The following EED variants were observed in gnomAD, a reference collection of about 807,000 sequenced individuals.
The protein encoded by EED is embryonic ectoderm development, also known as polycomb protein EED.
In EED, 9 loss-of-function variants were observed where a neutral mutation model predicts 61.0. The observed-to-expected ratio is 0.15, with a 90% CI of 0.09 to 0.26. The LOEUF is 0.26. Among genes scored for constraint, EED ranks in the 10% least tolerant of loss-of-function variants. EED has a pLI of 1.00. For missense variants in EED, 315 were observed against 542.3 expected (o/e 0.58, Z 4.16); for synonymous variants, 187 against 174.4 (o/e 1.07, Z -0.57).
chr11:86,266,298 A>G (rs1945975969), intron 8 of EED, 82 bp downstream of exon 8: 1 of 1,255,430 alleles, frequency 8.0e-7, no homozygotes, highest in Non-Finnish European at 1.1e-6. Context: ...TTGCTATATA[A>G]GCCCCAACAA....
chr11:86,279,370 C>T (rs2138243828), downstream of EED, among the ~76,000 whole-genome samples: 1 of 152,192 alleles, frequency 6.6e-6, no homozygotes, highest in African/African-American at 2.4e-5. Flanking sequence ...TGAGTTGTTG[C>T]CCCTTTTCTA....
intron 1 of EED, among the ~76,000 whole-genome samples, chr11:86,247,144 C>G (rs1945411948): frequency 1.3e-5 from 2 of 152,166 alleles, no homozygotes; most frequent in Non-Finnish European, 2.9e-5. Context: ...CTTGCAGACC[C>G]TTACAGGAAA....
intron 6 of EED, among the ~76,000 whole-genome samples, chr11:86,260,287 A>C (rs1370645679): frequency 1.3e-5 from 2 of 152,134 alleles, no homozygotes; most frequent in Non-Finnish European, 2.9e-5. Flanking sequence ...TAGTAGAGTG[A>C]TGTGATCACA....
rs373704970 is a variant in EED, at chr11:86,252,249, T to C, written c.360+9T>C. ...CTGTAGGAAGCAACAGAGTGAGTGT[T>C]AAGGGGTCTATTTAGTATTTGGCTT... On this transcript the variant is annotated intron_variant, in intron 3 of 11. Transcript: ENST00000263360. The C allele has an allele frequency of 1.9e-6, 3 of 1,585,426 alleles. No individual in the cohort carries two copies. The highest frequency in any genetic ancestry group is 2.6e-6 in the Non-Finnish European group (3 of 1,158,328).
intron 1 of EED, among the ~76,000 whole-genome samples, chr11:86,246,887 C>T (rs760927790): frequency 1.3e-5 from 2 of 152,082 alleles, no homozygotes; most frequent in African/African-American, 2.4e-5. Context: ...TGGTATTTAC[C>T]TCATAGAGTA....
chr11:86,255,612 T>C (rs1945649364), intron 4 of EED, among the ~76,000 whole-genome samples: 1 of 152,164 alleles, frequency 6.6e-6, no homozygotes, highest in African/African-American at 2.4e-5. Flanking sequence ...AAAACCTCCT[T>C]TTTCTTTGAC....
chr11:86,264,159 A>G lies in EED; in HGVS notation c.635-13A>G, dbSNP rs772475657. 2 of 1,593,888 alleles carry G rather than the reference A, an allele frequency of 1.3e-6. No individual in the cohort carries two copies. Among genetic ancestry groups the G allele is most frequent in the East Asian group, 2.2e-5 (1 of 44,724 alleles). On this transcript the variant is annotated splice_polypyrimidine_tract_variant and intron_variant, in intron 6 of 11. Coordinates refer to ENST00000263360, the MANE Select transcript of EED (RefSeq NM_003797.5). ...TAAAAAACATTCGCCTAATTTTTGT[A>G]TGTTTATACTAGATCATGCTTTACG...
At chr11:86,268,139 A>G (rs189013509) in intron 8 of EED, 6 of 175,300 alleles carry the variant, frequency 3.4e-5, no homozygotes, top group Middle Eastern at 2.5e-3. Context: ...GGCCTTTATT[A>G]TTGGTTAGGG....
At chr11:86,253,375 T>C (rs1221177672) in intron 3 of EED, among the ~76,000 whole-genome samples, 2 of 152,236 alleles carry the variant, frequency 1.3e-5, no homozygotes, top group African/African-American at 2.4e-5. Context: ...GACACCACTG[T>C]AAACCTAAGT....
intron 1 of EED, among the ~76,000 whole-genome samples, chr11:86,249,379 T>TG (rs936790610): frequency 5.0e-5 from 6 of 119,298 alleles, no homozygotes; most frequent in Non-Finnish European, 7.0e-5. Flanking sequence ...AGGCATTTCA[T>TG]GGAAAAAAAA....
chr11:86,254,917 G>A (rs1180614316), intron 3 of EED, among the ~76,000 whole-genome samples: 1 of 152,162 alleles, frequency 6.6e-6, no homozygotes, highest in Admixed American at 6.6e-5. Flanking sequence ...CACCGTGCCC[G>A]GCCTAATATT....
intron 9 of EED, among the ~76,000 whole-genome samples, chr11:86,271,606 G>GTTTGT (rs1202037849): frequency 1.3e-5 from 2 of 152,084 alleles, no homozygotes; most frequent in Admixed American, 6.5e-5. Context: ...GTATATTAGG[G>GTTTGT]TTTGTTTTGT....
intron 5 of EED, among the ~76,000 whole-genome samples, chr11:86,257,146 C>A (rs935233229): frequency 6.6e-6 from 1 of 151,506 alleles, no homozygotes; most frequent in African/African-American, 2.4e-5. Context: ...AGCGATCCTC[C>A]TGCCTCAGCC....
intron 3 of EED, among the ~76,000 whole-genome samples, chr11:86,253,537 C>T (rs1171731766): frequency 6.6e-6 from 1 of 152,056 alleles, no homozygotes. Context: ...ATAAAAAGTT[C>T]TGCTGTTAGA....
At position 86,245,446 on chromosome 11, in the gene EED, A is replaced by G. The variant is rs561284773; in HGVS notation, c.114+103A>G. 111 of 963,550 alleles carry G rather than the reference A, an allele frequency of 1.2e-4. 1 individual carries two copies. In the South Asian group the frequency reaches 1.5e-3, roughly 13 times the overall value. 59.7% of individuals were successfully genotyped at this position (963,550 alleles called of 1,614,324 possible). A position where few individuals can be genotyped will look rare whatever the true frequency, so the allele number is the denominator to read the frequency against. The stretch of plus-strand genomic sequence containing the variant: ...AGCGGGCTGCTGTGGGGGGAGGGAG[A>G]GGTGTCACTCAGGAAAACGCGGGCG... On this transcript the variant is annotated intron_variant, in intron 1 of 11. Coordinates refer to ENST00000263360, the MANE Select transcript of EED (RefSeq NM_003797.5).
At chr11:86,286,700 C>T in the EED span, among the ~76,000 whole-genome samples, 2 of 151,900 alleles carry the variant, frequency 1.3e-5, no homozygotes, top group Non-Finnish European at 2.9e-5. Flanking sequence ...AGGCCAGGTG[C>T]GGTGGCTCAG....
At chr11:86,248,767 C>T (rs1565687382) in intron 1 of EED, among the ~76,000 whole-genome samples, 1 of 151,970 alleles carries the variant, frequency 6.6e-6, no homozygotes. Flanking sequence ...ACCTGTAATC[C>T]CAGCACTTTA....
At chr11:86,282,905 A>G (rs1946339565), downstream of EED, among the ~76,000 whole-genome samples, 1 of 152,106 alleles carries the variant, frequency 6.6e-6, no homozygotes, top group Non-Finnish European at 1.5e-5. Context: ...TAAGGTGGAC[A>G]GATTGCTTGA....
At chr11:86,282,300 G>A (rs1258424371), downstream of EED, among the ~76,000 whole-genome samples, 1 of 152,160 alleles carries the variant, frequency 6.6e-6, no homozygotes, top group Non-Finnish European at 1.5e-5. Flanking sequence ...ATTGCTTTTA[G>A]TGATGGGATG....
Sources: allele counts gnomAD v4.1 joint callset (sites outside exome capture counted in the v4.1 genomes callset), GRCh38; gene constraint gnomAD v4.1.1; transcripts MANE v1.5; gene names NCBI Gene and HGNC (gene_info 2026-07-23, HGNC 2026-07-21).